The following DOK5 variants were observed in gnomAD, a reference collection of about 807,000 sequenced individuals.
The protein encoded by DOK5 is docking protein 5.
Under a neutral mutation model 43.3 loss-of-function variants are expected in DOK5, and 27 were observed. The ratio of observed to expected loss-of-function variants is 0.62; its 90% CI spans 0.46 to 0.86. The LOEUF (loss-of-function observed/expected upper bound fraction) is 0.86. Ranked by LOEUF, DOK5 falls within the 40% of genes least tolerant of loss-of-function variation. DOK5 has a pLI of 0.00. For synonymous variants in DOK5, 146 were observed against 140.1 expected, an observed-to-expected ratio of 1.04 and a Z score of -0.30; for missense variants, 373 against 392.9, an observed-to-expected ratio of 0.95 and a Z score of 0.43.
chr20:54,563,586 G>A (rs1276662609), intron 2 of DOK5, among the ~76,000 whole-genome samples: 1 of 151,054 alleles, frequency 6.6e-6, no homozygotes, highest in Non-Finnish European at 1.5e-5. Flanking sequence ...CTGATACTGA[G>A]ACTGATTCTT....
chr20:54,495,409 C>T (rs1982354176), intron 1 of DOK5, among the ~76,000 whole-genome samples: 1 of 152,180 alleles, frequency 6.6e-6, no homozygotes, highest in Admixed American at 6.5e-5. Flanking sequence ...ATTGATTCCA[C>T]TTTAATCCTG....
intron 2 of DOK5, among the ~76,000 whole-genome samples, chr20:54,562,000 A>G (rs1411009199): frequency 1.3e-5 from 2 of 152,192 alleles, no homozygotes; most frequent in Admixed American, 1.3e-4. Flanking sequence ...TGTGTGCACC[A>G]GAGTCCTAGC....
chr20:54,574,997 T>C (rs1339136727), intron 2 of DOK5, among the ~76,000 whole-genome samples: 1 of 152,234 alleles, frequency 6.6e-6, no homozygotes, highest in Non-Finnish European at 1.5e-5. Context: ...AGCGATGCCA[T>C]GTGAAGTCCT....
intron 1 of DOK5, among the ~76,000 whole-genome samples, chr20:54,506,082 C>A (rs1247191230): frequency 6.6e-6 from 1 of 152,092 alleles, no homozygotes; most frequent in African/African-American, 2.4e-5. Flanking sequence ...GGGGTTAGAG[C>A]TGTAGAGGTG....
intron 2 of DOK5, among the ~76,000 whole-genome samples, chr20:54,563,676 T>G (rs1402020790): frequency 6.6e-6 from 1 of 151,056 alleles, no homozygotes; most frequent in Non-Finnish European, 1.5e-5. Flanking sequence ...TTTTTTTTTT[T>G]TTTTTTTTTT....
chr20:54,649,364 G>A (rs901932235), intron 7 of DOK5, among the ~76,000 whole-genome samples: 2 of 152,156 alleles, frequency 1.3e-5, no homozygotes, highest in African/African-American at 2.4e-5. Context: ...TGAGGCTGCA[G>A]TGAGCTGAGA....
intron 1 of DOK5, 33 bp downstream of exon 1, chr20:54,476,045 C>CCGGTT: frequency 1.2e-6 from 2 of 1,610,472 alleles, no homozygotes; most frequent in Non-Finnish European, 1.7e-6. Flanking sequence ...TTGCTGTTCG[C>CCGGTT]CGGTTCGATT....
chr20:54,650,566 G>A lies in DOK5; in HGVS notation c.*87G>A. On this transcript the variant is annotated 3_prime_UTR_variant, in exon 8 of 8. Coordinates refer to ENST00000262593, the MANE Select transcript of DOK5 (RefSeq NM_018431.5). ...GTCACAGAATGACAGCAAGGGAAAT[G>A]ACGACCAAGAGAAGAAGCTTAAAGT... The A allele has an allele frequency of 7.7e-7, 1 of 1,301,060 alleles. No homozygotes were observed. Among genetic ancestry groups the A allele is most frequent in the Non-Finnish European group, 1.1e-6 (1 of 915,100 alleles). 80.6% of individuals were successfully genotyped at this position (1,301,060 alleles called of 1,614,324 possible).
chr20:54,500,215 G>T (rs1982544329), intron 1 of DOK5, among the ~76,000 whole-genome samples: 1 of 152,024 alleles, frequency 6.6e-6, no homozygotes, highest in Admixed American at 6.6e-5. Context: ...ACTCTTTGTG[G>T]GTTTATTTCT....
At chr20:54,559,740 T>C (rs966172201) in intron 2 of DOK5, among the ~76,000 whole-genome samples, 3 of 152,206 alleles carry the variant, frequency 2.0e-5, no homozygotes, top group Admixed American at 1.3e-4. Flanking sequence ...AACAAATAAA[T>C]TTAATTCTAG....
intron 1 of DOK5, among the ~76,000 whole-genome samples, chr20:54,479,107 T>C (rs919179859): frequency 1.3e-5 from 2 of 152,156 alleles, no homozygotes; most frequent in African/African-American, 4.8e-5. Context: ...ACAGGAAACA[T>C]TCTAAAAACA....
At chr20:54,614,187 G>A (rs532830753) in intron 6 of DOK5, among the ~76,000 whole-genome samples, 1 of 152,200 alleles carries the variant, frequency 6.6e-6, no homozygotes, top group East Asian at 1.9e-4. Flanking sequence ...ATCAAAGTCT[G>A]AGAATGCTTT....
intron 2 of DOK5, among the ~76,000 whole-genome samples, chr20:54,574,003 A>T (rs1318345994): frequency 1.3e-5 from 2 of 152,216 alleles, no homozygotes; most frequent in African/African-American, 4.8e-5. Context: ...TTTTTCAGGC[A>T]GTGCCATCCA....
intron 6 of DOK5, among the ~76,000 whole-genome samples, chr20:54,627,267 T>A (rs1194527111): frequency 6.6e-6 from 1 of 152,222 alleles, no homozygotes; most frequent in Admixed American, 6.5e-5. Context: ...TTAACCTTAT[T>A]GAATTGAGTT....
chr20:54,547,083 C>A (rs538717812), intron 1 of DOK5, among the ~76,000 whole-genome samples: 4 of 152,100 alleles, frequency 2.6e-5, no homozygotes, highest in Non-Finnish European at 5.9e-5. Flanking sequence ...TACCGTAGAC[C>A]AGAGGTTGGC....
intron 1 of DOK5, among the ~76,000 whole-genome samples, chr20:54,513,699 C>T (rs2146689662): frequency 6.6e-6 from 1 of 152,128 alleles, no homozygotes; most frequent in Admixed American, 6.5e-5. Flanking sequence ...TAATAGTTTT[C>T]AAATATATGA....
chr20:54,649,767 A>T (rs1385781815), intron 7 of DOK5, among the ~76,000 whole-genome samples: 2 of 152,230 alleles, frequency 1.3e-5, no homozygotes, highest in African/African-American at 4.8e-5. Flanking sequence ...GACATTCATT[A>T]CATATTAACT....
intron 2 of DOK5, among the ~76,000 whole-genome samples, chr20:54,563,749 C>T (rs753363912): frequency 6.7e-6 from 1 of 150,014 alleles, no homozygotes; most frequent in South Asian, 2.1e-4. Flanking sequence ...TCTTGTCACA[C>T]GTTCCATTGT....
intron 4 of DOK5, among the ~76,000 whole-genome samples, chr20:54,589,870 C>T (rs551835407): frequency 1.5e-4 from 23 of 152,220 alleles, no homozygotes; most frequent in Middle Eastern, 3.4e-3. Context: ...GACCTAGAAG[C>T]CCTGGGTAAT....
Sources: allele counts gnomAD v4.1 joint callset (sites outside exome capture counted in the v4.1 genomes callset), GRCh38; gene constraint gnomAD v4.1.1; transcripts MANE v1.5; gene names NCBI Gene and HGNC (gene_info 2026-07-23, HGNC 2026-07-21).